DSCAM: variants seen among roughly 807,000 people sequenced by gnomAD.
DSCAM encodes DS cell adhesion molecule, also known as cell adhesion molecule DSCAM.
In DSCAM, 47 loss-of-function variants were observed where a neutral mutation model predicts 217.7. That is an observed-to-expected ratio of 0.22 (90% CI 0.17 to 0.28). DSCAM has a LOEUF of 0.28. DSCAM is among the 10% of genes least tolerant of loss of function. DSCAM has a pLI of 1.00. For synonymous variants in DSCAM, 1,056 were observed against 1,015.3 expected, an observed-to-expected ratio of 1.04 and a Z score of -0.76; for missense variants, 2,080 against 2,618.3, an observed-to-expected ratio of 0.79 and a Z score of 4.49.
Position 40,569,437 on chromosome 21 carries a change from C to T in DSCAM, c.508+123373G>A, listed in dbSNP as rs139683090. ...TTTACGTGGCCCTCATTCAATCAGT[C>T]GAAAAGATTTAAGAGGAAAACTGAA... On this transcript the variant is annotated intron_variant, in intron 3 of 32. Transcript: ENST00000400454. Among the ~76,000 whole-genome samples the T allele has an allele frequency of 7.5e-3, 1,134 of 152,160 alleles. 10 individuals are homozygous for T. Among genetic ancestry groups the T allele is most frequent in the African/African-American group, 0.019 (773 of 41,500 alleles).
chr21:40,739,422 A>C (rs553316792), intron 1 of DSCAM, among the ~76,000 whole-genome samples: 2 of 152,278 alleles, frequency 1.3e-5, no homozygotes, highest in South Asian at 4.2e-4. Flanking sequence ...AAACAACTGA[A>C]ATTTAGTTCT....
intron 20 of DSCAM, among the ~76,000 whole-genome samples, chr21:40,111,334 G>A (rs1169274189): frequency 3.3e-5 from 5 of 151,836 alleles, no homozygotes; most frequent in Admixed American, 1.3e-4. Context: ...AAGTGAAGGA[G>A]AAATAAAATA....
At chr21:40,659,820 G>C (rs1257143886) in intron 3 of DSCAM, among the ~76,000 whole-genome samples, 1 of 152,162 alleles carries the variant, frequency 6.6e-6, no homozygotes, top group African/African-American at 2.4e-5. Flanking sequence ...AACATTTAAA[G>C]CTAAAGCCAA....
chr21:40,171,820 G>A lies in DSCAM; in HGVS notation c.2948-4532C>T, dbSNP rs59652278. On this transcript the variant is annotated intron_variant, in intron 15 of 32. Transcript: ENST00000400454. ...ACTCCTGAGCTGTAATTTTTTCATA[G>A]GTTATCATCTCATTGCCAATGATGC... Among the ~76,000 whole-genome samples, 1,075 of 152,038 alleles carry A rather than the reference G, an allele frequency of 7.1e-3. 15 individuals carry two copies. Among genetic ancestry groups the A allele is most frequent in the African/African-American group, 0.024 (1,016 of 41,476 alleles).
In DSCAM at chr21:40,619,973, G is replaced by A. The variant is rs539642356; in HGVS notation, c.508+72837C>T. On this transcript the variant is annotated intron_variant, in intron 3 of 32. Coordinates refer to ENST00000400454, the MANE Select transcript of DSCAM (RefSeq NM_001389.5). ...GAAAAAAGGAAAAAGAGAAAAAGAA[G>A]GAAAAGAAAAAGAAAGAGAGAGAGA... is the stretch of plus-strand genomic sequence containing the variant. Among the ~76,000 whole-genome samples, 8 of 109,920 alleles carry A rather than the reference G, an allele frequency of 7.3e-5. No homozygotes were observed. In the South Asian group the frequency reaches 1.9e-3, roughly 27 times the overall value. 72.1% of individuals were successfully genotyped at this position (109,920 alleles called of 152,430 possible).
intron 3 of DSCAM, among the ~76,000 whole-genome samples, chr21:40,498,722 TATATGG>T (rs2076145004): frequency 1.7e-4 from 4 of 23,074 alleles, no homozygotes; most frequent in Admixed American, 5.9e-4. Flanking sequence ...GGTGTATATA[TATATGG>T]GTGTGTGTAT....
chr21:40,558,431 G>A (rs1000006023), intron 3 of DSCAM, among the ~76,000 whole-genome samples: 1 of 148,214 alleles, frequency 6.7e-6, no homozygotes, highest in Non-Finnish European at 1.5e-5. Flanking sequence ...CTGGGCGACA[G>A]AGCAAGACTC....
intron 3 of DSCAM, among the ~76,000 whole-genome samples, chr21:40,547,364 C>T (rs1461319295): frequency 2.0e-5 from 3 of 152,188 alleles, no homozygotes; most frequent in African/African-American, 7.2e-5. Flanking sequence ...CCACTCTGCA[C>T]CCAAACCTAT....
chr21:40,625,269 CA>C (rs1443354284), intron 3 of DSCAM, among the ~76,000 whole-genome samples: 4 of 151,506 alleles, frequency 2.6e-5, no homozygotes, highest in Admixed American at 2.6e-4. Context: ...CCACATTTTC[CA>C]AAAGAAAATG....
intron 3 of DSCAM, among the ~76,000 whole-genome samples, chr21:40,593,330 T>TC (rs1376429223): frequency 3.3e-5 from 5 of 151,748 alleles, no homozygotes; most frequent in African/African-American, 1.2e-4. Context: ...CTTTTTTTTT[T>TC]TTCCTCTGTT....
chr21:40,505,033 C>A (rs932488318), intron 3 of DSCAM, among the ~76,000 whole-genome samples: 2 of 152,164 alleles, frequency 1.3e-5, no homozygotes, highest in Admixed American at 6.5e-5. Flanking sequence ...GAGGCCACCA[C>A]CAGGTGGAAG....
intron 8 of DSCAM, among the ~76,000 whole-genome samples, chr21:40,318,644 C>T (rs1044425299): frequency 9.2e-5 from 14 of 152,184 alleles, no homozygotes; most frequent in African/African-American, 3.1e-4. Context: ...CCTAGCTTAC[C>T]GTGACTTAGG....
intron 3 of DSCAM, among the ~76,000 whole-genome samples, chr21:40,580,144 C>T (rs1482526349): frequency 3.3e-5 from 5 of 151,142 alleles, no homozygotes; most frequent in Non-Finnish European, 5.9e-5. Flanking sequence ...TGCAGTGGCG[C>T]GATCTCGGCT....
At chr21:40,168,317 T>C (rs985906679) in intron 15 of DSCAM, among the ~76,000 whole-genome samples, 3 of 152,126 alleles carry the variant, frequency 2.0e-5, no homozygotes, top group Non-Finnish European at 2.9e-5. Context: ...TAGGCATGTG[T>C]TGGAAATGTG....
chr21:40,187,203 G>T lies in DSCAM; in HGVS notation c.2707C>A (p.Leu903Ile). ...IKDVKARTIT[L>I]RWTMGFDGNS... ...CCATCAAACCCCATGGTCCACCTGA[G>T]CGTAATTGTGCGTGCTTTGACATCT... Residue 903 changes from leucine to isoleucine, a missense_variant, in exon 14 of 33, where the codon CTC (leucine) becomes ATC (isoleucine). By Grantham distance (5) the Leu-to-Ile change is conservative. This residue lies in a region of DSCAM where 1,144 missense variants were observed against 1,421.1 expected (regional missense o/e 0.81). Transcript: ENST00000400454. 1 of 1,614,162 alleles carries T rather than the reference G, an allele frequency of 6.2e-7. No individual in the cohort carries two copies. The highest frequency in any genetic ancestry group is 8.5e-7 in the Non-Finnish European group (1 of 1,180,002).
At chr21:40,561,269 G>A (rs2076718471) in intron 3 of DSCAM, among the ~76,000 whole-genome samples, 1 of 152,146 alleles carries the variant, frequency 6.6e-6, no homozygotes, top group Non-Finnish European at 1.5e-5. Flanking sequence ...GATTCAATGT[G>A]CCTGCACCCA....
chr21:40,217,803 T>G (rs755168787), intron 11 of DSCAM, among the ~76,000 whole-genome samples: 3 of 152,194 alleles, frequency 2.0e-5, no homozygotes, highest in Non-Finnish European at 4.4e-5. Context: ...TGGCCACATA[T>G]ATGTCTTCTT....
chr21:40,793,230 G>C (rs1291664967), intron 1 of DSCAM, among the ~76,000 whole-genome samples: 1 of 152,214 alleles, frequency 6.6e-6, no homozygotes, highest in African/African-American at 2.4e-5. Context: ...CATACCACGT[G>C]CCAAGAAGTG....
At chr21:40,675,344 T>C (rs1248970008) in intron 3 of DSCAM, among the ~76,000 whole-genome samples, 1 of 152,112 alleles carries the variant, frequency 6.6e-6, no homozygotes, top group Non-Finnish European at 1.5e-5. Flanking sequence ...GAATTAATCA[T>C]GCAGCTATCA....
Sources: allele counts gnomAD v4.1 joint callset (sites outside exome capture counted in the v4.1 genomes callset), GRCh38; gene constraint gnomAD v4.1.1; regional missense constraint gnomAD v4.1.1; transcripts MANE v1.5; gene names NCBI Gene and HGNC (gene_info 2026-07-23, HGNC 2026-07-21).